The following ATP2A3 variants were observed in gnomAD, a reference collection of about 807,000 sequenced individuals.
ATP2A3 encodes sarcoplasmic/endoplasmic reticulum calcium ATPase 3.
In ATP2A3, 61 loss-of-function variants were observed where a neutral mutation model predicts 106.8. The observed-to-expected ratio is 0.57, with a 90% CI of 0.46 to 0.71. ATP2A3 has a LOEUF of 0.71. Among genes scored for constraint, ATP2A3 ranks in the 30% least tolerant of loss-of-function variants. The pLI is 0.00. For synonymous variants in ATP2A3, 611 were observed against 609.3 expected, an observed-to-expected ratio of 1.00 and a Z score of -0.04; for missense variants, 1,201 against 1,423.5, an observed-to-expected ratio of 0.84 and a Z score of 2.52.
Position 3,941,623 on chromosome 17 carries a change from C to G in ATP2A3, c.1577G>C (p.Ser526Thr), listed in dbSNP as rs968475128. ...TGTGCGGCTCCCCACGCGGACTGAGCTACAGCGCTCGATCACACTCTCAGG... is the reference window on the plus strand; with the variant it reads ...TGTGCGGCTCCCCACGCGGACTGAGGTACAGCGCTCGATCACACTCTCAGG... ...GAPESVIERC[S>T]SVRVGSRTAP... Residue 526 changes from serine to threonine, a missense_variant, in exon 13 of 21, where the codon AGC becomes ACC. By Grantham distance (58) the Ser-to-Thr change is moderately conservative (BLOSUM62 1). This residue lies in a region of ATP2A3 where 935 missense variants were observed against 1,176.7 expected (regional missense o/e 0.79). Transcript: ENST00000397041. 1.3e-5 allele frequency: 21 copies of G among 1,610,050 alleles called. No homozygotes were observed. The highest frequency in any genetic ancestry group is 1.7e-5 in the Non-Finnish European group (20 of 1,180,024).
Position 3,925,479 on chromosome 17 carries a change from G to T in ATP2A3, c.2981-38C>A, listed in dbSNP as rs2052653873. ...CCCAAGAGCGCGTTAAGATGTATGT[G>T]TAAGGGCACACATCCAGACAGCTTC... On this transcript the variant is annotated intron_variant, in intron 20 of 20. Transcript: ENST00000397041. This position sits in a 1 kb window ranked among gnomAD's most constrained non-coding sequence, Gnocchi z 4.2. 6.2e-7 allele frequency: 1 copy of T among 1,601,152 alleles called. No homozygotes were observed.
chr17:3,940,043 G>GTTTTTTTTTTTTTTTTTTTTTTTTTTTT (rs1294599615), intron 14 of ATP2A3, among the ~76,000 whole-genome samples: 1 of 87,618 alleles, frequency 1.1e-5, no homozygotes, highest in African/African-American at 5.7e-5. Context: ...TTTTTTTTTT[G>GTTTTTTTTTTTTTTTTTTTTTTTTTTTT]TTTTTTGTTT....
In ATP2A3 at chr17:3,925,916, C is replaced by G. The variant is rs1597552275; in HGVS notation, c.2981-475G>C. On this transcript the variant is annotated intron_variant, in intron 20 of 20. Transcript: ENST00000397041. This position sits in a 1 kb window ranked among gnomAD's most constrained non-coding sequence, Gnocchi z 4.2. Reference sequence around the variant, plus strand: ...CTTACCGTCCCATCATACTTCTGCCCCTAGCATCAAGCAAAAGCCGAAATC... The same window carrying G: ...CTTACCGTCCCATCATACTTCTGCCGCTAGCATCAAGCAAAAGCCGAAATC... 6.6e-6 allele frequency among the ~76,000 whole-genome samples: 1 copy of G among 152,116 alleles called. No homozygotes were observed. The highest frequency in any genetic ancestry group is 1.9e-4 in the East Asian group (1 of 5,180).
chr17:3,939,381 CAGA>C (rs1324983513), intron 14 of ATP2A3, among the ~76,000 whole-genome samples: 1 of 151,928 alleles, frequency 6.6e-6, no homozygotes, highest in African/African-American at 2.4e-5. Flanking sequence ...AGGCTGAGGT[CAGA>C]AGAATAGGTC....
chr17:3,954,556 G>T (rs2054653500), intron 1 of ATP2A3, among the ~76,000 whole-genome samples: 1 of 150,034 alleles, frequency 6.7e-6, no homozygotes, highest in South Asian at 2.1e-4. Flanking sequence ...GAGTGCAGTG[G>T]CGCAATCTTG....
chr17:3,930,182 CAG>C lies in ATP2A3; in HGVS notation c.2744+117_2744+118del. ...GCCCTCAGCCCCCACTCCTCGGCCC[CAG>C]CTCCAGGCCCTGCGCCCAGCCCACC... On this transcript the variant is annotated intron_variant, in intron 18 of 20. Transcript: ENST00000397041. The surrounding 1 kb of genome is among the most constrained non-coding windows in gnomAD (Gnocchi z 5.4). 2.4e-6 allele frequency: 3 copies of C among 1,241,580 alleles called. No individual in the cohort carries two copies. Among genetic ancestry groups the C allele is most frequent in the Non-Finnish European group, 3.3e-6 (3 of 907,254 alleles). 76.9% of individuals were successfully genotyped at this position (1,241,580 alleles called of 1,614,324 possible). A position where few individuals can be genotyped will look rare whatever the true frequency, so the allele number is the denominator to read the frequency against.
chr17:3,932,457 G>C lies in ATP2A3; in HGVS notation c.2611-2023C>G, dbSNP rs531226235. 6.0e-5 allele frequency among the ~76,000 whole-genome samples: 9 copies of C among 150,940 alleles called. No individual in the cohort carries two copies. In the South Asian group the frequency reaches 1.9e-3, roughly 32 times the overall value. On this transcript the variant is annotated intron_variant, in intron 17 of 20. Transcript: ENST00000397041. ...CTGTGCCTGGCCTTGTTTTGTTTTT[G>C]AGACAAGGTCTCACTCCCATCACCC... is the stretch of plus-strand genomic sequence containing the variant.
In ATP2A3 at chr17:3,953,098, A is replaced by C. The variant is rs895142018; in HGVS notation, c.219+249T>G. Among the ~76,000 whole-genome samples the C allele has an allele frequency of 6.6e-6, 1 of 151,888 alleles. No individual in the cohort carries two copies. The highest frequency in any genetic ancestry group is 1.5e-5 in the Non-Finnish European group (1 of 67,936). ...GGCGGGGGGCAGATGTGAGTTGGGG[A>C]GCTCGCTGAGAGCCAGAGGATAAGA... On this transcript the variant is annotated intron_variant, in intron 3 of 20. Coordinates refer to ENST00000397041, the MANE Select transcript of ATP2A3 (RefSeq NM_005173.4). The surrounding 1 kb of genome is among the most constrained non-coding windows in gnomAD (Gnocchi z 5.1).
intron 7 of ATP2A3, among the ~76,000 whole-genome samples, chr17:3,948,413 C>T (rs983186042): frequency 6.6e-6 from 1 of 152,092 alleles, no homozygotes; most frequent in African/African-American, 2.4e-5. Context: ...TCTGAGGAGG[C>T]TAAGAACCTG....
In ATP2A3 at chr17:3,964,209, T is replaced by A. The variant is rs2055308297; in HGVS notation, c.83A>T (p.Gln28Leu). Residue 28 changes from glutamine (Q) to leucine (L), a missense_variant, in exon 1 of 21, where the codon CAG becomes CTG. Gln to Leu is a moderately radical substitution (Grantham distance 113, BLOSUM62 -2). Coordinates refer to ENST00000397041, the MANE Select transcript of ATP2A3 (RefSeq NM_005173.4). ...GTAGCGCTCCCGCGCGCCGGTCACCTGCGCCGGGCTCAGGCCGCCCTCGGC... is the reference window on the plus strand; with the variant it reads ...GTAGCGCTCCCGCGCGCCGGTCACCAGCGCCGGGCTCAGGCCGCCCTCGGC... ...VTAEGGLSPAQVTGARERYGP... is the reference protein window; with the variant it reads ...VTAEGGLSPALVTGARERYGP... The A allele has an allele frequency of 1.6e-6, 2 of 1,250,112 alleles. No homozygotes were observed. The highest frequency in any genetic ancestry group is 2.0e-6 in the Non-Finnish European group (2 of 985,754). The allele number at this position is 1,250,112 out of a possible 1,614,324, so 77.4% of individuals were successfully genotyped here.
chr17:3,954,160 G>A (rs1196188945), intron 1 of ATP2A3, among the ~76,000 whole-genome samples: 2 of 152,006 alleles, frequency 1.3e-5, no homozygotes, highest in African/African-American at 4.8e-5. Context: ...CCCACAGCAA[G>A]GCAGCCCCTC....
At position 3,951,334 on chromosome 17, in the gene ATP2A3, C is replaced by T. The variant is rs756296697; in HGVS notation, c.380G>A (p.Gly127Asp). The part of the protein sequence containing the change: ...EALKEYEPEM[G>D]KVIRSDRKGV... ...CTTGCGGTCCGAGCGGATCACCTTG[C>T]CCATCTCAGGCTCATACTCCTTCAG... Residue 127 changes from glycine to aspartate, a missense_variant, in exon 5 of 21, where the codon GGC becomes GAC. Coordinates refer to ENST00000397041, the MANE Select transcript of ATP2A3 (RefSeq NM_005173.4). The T allele has an allele frequency of 6.8e-6, 11 of 1,613,792 alleles. No homozygotes were observed. Among genetic ancestry groups the T allele is most frequent in the Non-Finnish European group, 9.3e-6 (11 of 1,179,942 alleles).
chr17:3,947,749 C>A lies in ATP2A3; in HGVS notation c.737G>T (p.Arg246Leu). 1 of 1,606,670 alleles carries A rather than the reference C, an allele frequency of 6.2e-7. No homozygotes were observed. The highest frequency in any genetic ancestry group is 8.5e-7 in the Non-Finnish European group (1 of 1,179,794). Residue 246 changes from arginine to leucine, a missense_variant, in exon 8 of 21, where the codon CGG (arginine) becomes CTG (leucine). By Grantham distance (102) the Arg-to-Leu change is moderately radical. Around this residue, in one of 2 missense-constraint regions of ATP2A3, gnomAD observed 935 missense variants for 1,176.7 expected, o/e 0.79. Coordinates refer to ENST00000397041, the MANE Select transcript of ATP2A3 (RefSeq NM_005173.4). The surrounding 1 kb of genome is among the most constrained non-coding windows in gnomAD (Gnocchi z 7.7). ...GTCCAGCTTGCGCTGCAGCGGCGTC[C>A]GCTCGGGCTCGACTGCCGCCATCTG... The part of the protein sequence containing the change: ...RSQMAAVEPE[R>L]TPLQRKLDEF...
chr17:3,956,704 C>T (rs2054801849), intron 1 of ATP2A3, among the ~76,000 whole-genome samples: 2 of 152,214 alleles, frequency 1.3e-5, no homozygotes, highest in African/African-American at 4.8e-5. Flanking sequence ...CTGCTGCCAG[C>T]ACTCAGCAGG....
chr17:3,955,643 G>C lies in ATP2A3; in HGVS notation c.119-1933C>G, dbSNP rs1049077586. 6.6e-6 allele frequency among the ~76,000 whole-genome samples: 1 copy of C among 152,282 alleles called. No homozygotes were observed. Among genetic ancestry groups the C allele is most frequent in the East Asian group, 1.9e-4 (1 of 5,168 alleles). ...GTCACCCCAGCCATGCCCCAGCCTC[G>C]AATCAGGACAGCACTAACCTCATGG... On this transcript the variant is annotated intron_variant, in intron 1 of 20. Coordinates refer to ENST00000397041, the MANE Select transcript of ATP2A3 (RefSeq NM_005173.4). The surrounding 1 kb of genome is among the most constrained non-coding windows in gnomAD (Gnocchi z 4.2).
intron 7 of ATP2A3, among the ~76,000 whole-genome samples, chr17:3,949,354 G>GTC (rs1288169904): frequency 6.6e-6 from 1 of 152,130 alleles, no homozygotes; most frequent in Non-Finnish European, 1.5e-5. Context: ...ACAGAGGCAG[G>GTC]TCTCTCCCGC....
chr17:3,935,449 A>G (rs1410129916), intron 16 of ATP2A3, among the ~76,000 whole-genome samples, 172 bp from the exon 17 acceptor site: 1 of 151,958 alleles, frequency 6.6e-6, no homozygotes, highest in Non-Finnish European at 1.5e-5. Flanking sequence ...TGGCTGGTCA[A>G]TCAGCATCTG....
At chr17:3,934,509 C>A (rs2053308889) in intron 17 of ATP2A3, among the ~76,000 whole-genome samples, 1 of 149,140 alleles carries the variant, frequency 6.7e-6, no homozygotes. Flanking sequence ...CCATGCCCAG[C>A]CTCCCCTCGA....
chr17:3,958,832 AC>A (rs2054960964), intron 1 of ATP2A3, among the ~76,000 whole-genome samples: 1 of 125,158 alleles, frequency 8.0e-6, no homozygotes, highest in Non-Finnish European at 1.6e-5. Flanking sequence ...ACATATATAT[AC>A]ACACACACAT....
Sources: allele counts gnomAD v4.1 joint callset (sites outside exome capture counted in the v4.1 genomes callset), GRCh38; gene constraint gnomAD v4.1.1; regional missense constraint gnomAD v4.1.1; non-coding constraint Gnocchi (gnomAD v3.1); transcripts MANE v1.5; gene names NCBI Gene and HGNC (gene_info 2026-07-23, HGNC 2026-07-21).